KIAA1671: variants seen among roughly 807,000 people sequenced by gnomAD.
KIAA1671 encodes uncharacterized protein KIAA1671.
Under a neutral mutation model 131.2 loss-of-function variants are expected in KIAA1671, and 52 were observed. The observed-to-expected ratio is 0.40, with a 90% CI of 0.32 to 0.50. KIAA1671 has a LOEUF of 0.50. Among genes scored for constraint, KIAA1671 ranks in the 20% least tolerant of loss-of-function variants. The pLI is 0.73. For missense variants in KIAA1671, 2,360 were observed against 2,364.2 expected (o/e 1.00, Z 0.04); for synonymous variants, 1,003 against 961.6 (o/e 1.04, Z -0.80).
chr22:25,029,728 C>T (rs1489379729), intron 3 of KIAA1671, among the ~76,000 whole-genome samples, 188 bp downstream of exon 3: 1 of 152,260 alleles, frequency 6.6e-6, no homozygotes, highest in African/African-American at 2.4e-5. Context: ...CAGCTCTCCT[C>T]TGGGTATGGC....
intron 9 of KIAA1671, among the ~76,000 whole-genome samples, chr22:25,180,928 G>A (rs1364113611): frequency 6.6e-6 from 1 of 152,214 alleles, no homozygotes; most frequent in Non-Finnish European, 1.5e-5. Context: ...CAGCTGGAAC[G>A]TGGCAGCAGC....
intron 8 of KIAA1671, chr22:25,177,007 G>A: frequency 7.4e-6 from 2 of 271,940 alleles, no homozygotes; most frequent in African/African-American, 4.3e-5. Flanking sequence ...GCTGTGTACT[G>A]ATCATTGCTG....
At chr22:24,968,613 A>C (rs550847302) in intron 1 of KIAA1671, among the ~76,000 whole-genome samples, 4 of 152,266 alleles carry the variant, frequency 2.6e-5, no homozygotes, top group African/African-American at 9.6e-5. Flanking sequence ...ACACTGGGAC[A>C]AATGGAGTGT....
intron 1 of KIAA1671, among the ~76,000 whole-genome samples, chr22:25,019,050 TTGTGTGTGTGTG>T (rs377368958): frequency 1.9e-4 from 28 of 144,218 alleles, no homozygotes; most frequent in African/African-American, 3.9e-4. Flanking sequence ...AATAGTTGTT[TTGTGTGTGTGTG>T]TGTGTGTGTG....
chr22:25,062,347 A>C (rs1928202559), intron 6 of KIAA1671: 1 of 152,312 alleles, frequency 6.6e-6, no homozygotes, highest in Non-Finnish European at 1.5e-5. Flanking sequence ...TGAAGTGTAC[A>C]GCAATTTTTA....
At chr22:25,003,266 T>C (rs893938138) in intron 1 of KIAA1671, among the ~76,000 whole-genome samples, 5 of 152,148 alleles carry the variant, frequency 3.3e-5, no homozygotes, top group Non-Finnish European at 7.3e-5. Flanking sequence ...CATTTTTTGT[T>C]TGTGAAGCAT....
intron 5 of KIAA1671, among the ~76,000 whole-genome samples, chr22:25,041,896 C>A (rs1291498119): frequency 1.3e-5 from 2 of 152,212 alleles, no homozygotes; most frequent in African/African-American, 4.8e-5. Flanking sequence ...AGGCATGCGC[C>A]ACCATGCTTG....
chr22:25,048,201 G>C (rs1243564895), intron 5 of KIAA1671, among the ~76,000 whole-genome samples: 6 of 152,228 alleles, frequency 3.9e-5, no homozygotes, highest in African/African-American at 1.4e-4. Context: ...GTGGATCTGA[G>C]ATGAGTGTGA....
intron 5 of KIAA1671, among the ~76,000 whole-genome samples, chr22:25,046,313 A>G (rs932475182): frequency 7.7e-6 from 1 of 129,704 alleles, no homozygotes; most frequent in Non-Finnish European, 1.6e-5. Flanking sequence ...AGAGAAAAAA[A>G]AAGAAGAAGA....
intron 6 of KIAA1671, chr22:25,058,521 T>A (rs954309801): frequency 1.3e-5 from 2 of 152,168 alleles, no homozygotes; most frequent in African/African-American, 4.8e-5. Context: ...GTGTCAGTAT[T>A]TTTTAGAGAT....
chr22:25,152,251 CA>C (rs1427958363), intron 6 of KIAA1671, among the ~76,000 whole-genome samples: 1 of 152,166 alleles, frequency 6.6e-6, no homozygotes, highest in African/African-American at 2.4e-5. Flanking sequence ...CCTGCATAAT[CA>C]GAACAACTTT....
intron 1 of KIAA1671, among the ~76,000 whole-genome samples, chr22:24,975,186 G>T: frequency 6.6e-6 from 1 of 152,140 alleles, no homozygotes; most frequent in East Asian, 1.9e-4. Context: ...TTTCTCTATG[G>T]ATTTGCCCGT....
At chr22:25,001,041 TAACC>T (rs917047103) in intron 1 of KIAA1671, among the ~76,000 whole-genome samples, 1 of 151,978 alleles carries the variant, frequency 6.6e-6, no homozygotes, top group African/African-American at 2.4e-5. Flanking sequence ...GTGTGTAAAG[TAACC>T]ATTCGAGTCT....
At position 25,174,174 on chromosome 22, in the gene KIAA1671, A is replaced by C. The variant is rs1034688408; in HGVS notation, c.4650-66A>C. On this transcript the variant is annotated intron_variant, in intron 7 of 12. Transcript: ENST00000358431. ...AGCTATGCTGCCTGCAGCATCCTTC[A>C]CTTGAAATCCCGTTCTCTGAAACGT... The C allele has an allele frequency of 2.2e-5, 34 of 1,511,918 alleles. No homozygotes were observed. In the African/African-American group the frequency reaches 4.2e-4, roughly 18 times the overall value. 93.7% of individuals were successfully genotyped at this position (1,511,918 alleles called of 1,614,324 possible).
Position 25,196,699 on chromosome 22 carries a change from G to A in KIAA1671, c.*4298G>A, listed in dbSNP as rs554372925. On this transcript the variant is annotated 3_prime_UTR_variant, in exon 13 of 13. Transcript: ENST00000358431. ...GATTCTACTGCCTCAGCCTCCCAAA[G>A]TGCTGGGATTACAGGCCTGAGCCAC... is the stretch of plus-strand genomic sequence containing the variant. 5.4e-4 allele frequency: 82 copies of A among 152,228 alleles called. No individual in the cohort carries two copies. Among genetic ancestry groups the A allele is most frequent in the African/African-American group, 1.9e-3 (80 of 41,514 alleles). 9.4% of individuals were successfully genotyped at this position (152,228 alleles called of 1,614,324 possible). A position where few individuals can be genotyped will look rare whatever the true frequency, so the allele number is the denominator to read the frequency against.
intron 1 of KIAA1671, among the ~76,000 whole-genome samples, chr22:25,020,553 G>C (rs9624699): frequency 0.14 from 20,982 of 152,120 alleles, 1,766 homozygotes; most frequent in South Asian, 0.22. Flanking sequence ...CTTCTTGCTA[G>C]GAGCTCACAG....
intron 6 of KIAA1671, among the ~76,000 whole-genome samples, chr22:25,083,862 G>A (rs1929543371): frequency 6.6e-6 from 1 of 152,210 alleles, no homozygotes; most frequent in Non-Finnish European, 1.5e-5. Context: ...CACCTGGCCT[G>A]TTTGGCTACC....
rs951607178 is a variant in KIAA1671 at position 25,039,410 on chromosome 22, C to T, written c.2280C>T (p.Arg760=). 121 of 1,551,782 alleles carry T rather than the reference C, an allele frequency of 7.8e-5. No individual in the cohort carries two copies. Among genetic ancestry groups the T allele is most frequent in the Middle Eastern group, 3.3e-4 (2 of 5,992 alleles). ...CGGAGGAGAAAGCGGTCACGCTCCG[C>T]AGCCTCAGGTCTTGGCTCTCACTGA... ...PAPEEKAVTL[R]SLRSWLSLKD... Residue 760 remains arginine (R), a synonymous_variant, in exon 5 of 13, where the codon CGC becomes CGT. Coordinates refer to ENST00000358431, the MANE Select transcript of KIAA1671 (RefSeq NM_001145206.2).
chr22:25,190,061 G>A (rs901468543), intron 11 of KIAA1671, among the ~76,000 whole-genome samples: 2 of 152,106 alleles, frequency 1.3e-5, no homozygotes, highest in Non-Finnish European at 2.9e-5. Context: ...GTTTTGTGAT[G>A]ATTCAAACAC....
Sources: gnomAD v4.1 joint callset for allele counts (sites outside exome capture counted in the v4.1 genomes callset) on GRCh38, gnomAD v4.1.1 for gene constraint, MANE v1.5 for transcripts, NCBI Gene and HGNC (gene_info 2026-07-23, HGNC 2026-07-21) for gene names.